Variants in CNTNAP2 observed in about 807,000 individuals in gnomAD.
CNTNAP2 encodes contactin associated protein 2.
CNTNAP2 carries 98 observed loss-of-function variants against 155.2 expected under a neutral mutation model. The ratio of observed to expected loss-of-function variants is 0.63; its 90% confidence interval spans 0.54 to 0.75. CNTNAP2 has a LOEUF of 0.75. Ranked by LOEUF, CNTNAP2 falls within the 30% of genes least tolerant of loss-of-function variation. The probability of loss-of-function intolerance (pLI) is 0.00; values close to 1 mark genes in which losing one functional copy is unlikely to be tolerated. For missense variants in CNTNAP2, 1,727 were observed against 1,688.1 expected (o/e 1.02, Z -0.40); for synonymous variants, 651 against 631.2 (o/e 1.03, Z -0.47).
chr7:146,296,836 A>G (rs569486619), intron 1 of CNTNAP2, among the ~76,000 whole-genome samples: 44 of 152,260 alleles, frequency 2.9e-4, no homozygotes, highest in African/African-American at 1.1e-3. Flanking sequence ...TGCATAAATT[A>G]TATATATGTA....
intron 1 of CNTNAP2, among the ~76,000 whole-genome samples, chr7:146,482,616 A>C (rs1796979244): frequency 6.6e-6 from 1 of 151,744 alleles, no homozygotes; most frequent in South Asian, 2.1e-4. Context: ...GGTGGCACAC[A>C]CCTGTAATCC....
At chr7:147,300,064 G>A (rs532291352) in intron 8 of CNTNAP2, 77 bp from the exon 9 acceptor site, 268 of 1,458,520 alleles carry the variant, frequency 1.8e-4, no homozygotes, top group African/African-American at 1.6e-3. Context: ...TTGTAAAATC[G>A]TGATTTGTTG....
In CNTNAP2 at chr7:147,065,016, G is replaced by A. The variant is rs142467821; in HGVS notation, c.550+20962G>A. Among the ~76,000 whole-genome samples the A allele has an allele frequency of 8.7e-3, 1,328 of 152,200 alleles. 20 individuals carry two copies. Among genetic ancestry groups the A allele is most frequent in the African/African-American group, 0.03 (1,232 of 41,538 alleles). On this transcript the variant is annotated intron_variant, in intron 4 of 23. Coordinates refer to ENST00000361727, the MANE Select transcript of CNTNAP2 (RefSeq NM_014141.6). ...AATTAAGTAAATCTGTTCTATACAT[G>A]TTTTTCTTCTAATTTCTGCTTCTGA...
chr7:147,349,121 A>G (rs1331391272), intron 9 of CNTNAP2, among the ~76,000 whole-genome samples: 1 of 151,948 alleles, frequency 6.6e-6, no homozygotes, highest in East Asian at 1.9e-4. Flanking sequence ...TCAAATAGCT[A>G]AAAAGAGGAT....
intron 12 of CNTNAP2, among the ~76,000 whole-genome samples, chr7:147,600,223 T>C (rs757200799): frequency 3.7e-4 from 57 of 152,322 alleles, no homozygotes; most frequent in Non-Finnish European, 7.6e-4. Flanking sequence ...CTCAGTTTCA[T>C]TCTAGGAGGC....
chr7:147,315,892 G>T (rs1443724555), intron 9 of CNTNAP2, among the ~76,000 whole-genome samples: 3 of 151,902 alleles, frequency 2.0e-5, no homozygotes, highest in Non-Finnish European at 4.4e-5. Flanking sequence ...TTCAATTCAT[G>T]TAACAGTACT....
intron 8 of CNTNAP2, among the ~76,000 whole-genome samples, chr7:147,164,789 TC>T (rs1008218177): frequency 2.6e-5 from 4 of 152,200 alleles, no homozygotes; most frequent in African/African-American, 9.6e-5. Context: ...GCTACAATTG[TC>T]CCCTCTGTGA....
At position 147,347,439 on chromosome 7, in the gene CNTNAP2, TGC is replaced by T. The variant is rs1289773189; in HGVS notation, c.1498+47150_1498+47151del. Among the ~76,000 whole-genome samples the T allele has an allele frequency of 8.0e-3, 212 of 26,384 alleles. 3 individuals carry two copies. The highest frequency in any genetic ancestry group is 0.026 in the African/African-American group (181 of 6,912). The allele number at this position is 26,384 out of a possible 152,430, so 17.3% of individuals were successfully genotyped here. A position where few individuals can be genotyped will look rare whatever the true frequency, so the allele number is the denominator to read the frequency against. On this transcript the variant is annotated intron_variant, in intron 9 of 23. Coordinates refer to ENST00000361727, the MANE Select transcript of CNTNAP2 (RefSeq NM_014141.6). ...AAAAGATTATATATATATATATATA[TGC>T]ATATATATATATATGCATATATATA...
At chr7:147,738,395 G>T (rs979119595) in intron 13 of CNTNAP2, among the ~76,000 whole-genome samples, 2 of 126,994 alleles carry the variant, frequency 1.6e-5, no homozygotes, top group African/African-American at 5.1e-5. Context: ...AATTGATGTG[G>T]CAAACATCAT....
chr7:146,460,875 G>C (rs537152029), intron 1 of CNTNAP2, among the ~76,000 whole-genome samples: 1 of 152,152 alleles, frequency 6.6e-6, no homozygotes. Flanking sequence ...AGTTACATAA[G>C]ATAAGTCAGT....
chr7:147,107,103 G>A (rs867294311), intron 4 of CNTNAP2, among the ~76,000 whole-genome samples: 3 of 152,172 alleles, frequency 2.0e-5, no homozygotes, highest in Middle Eastern at 3.4e-3. Flanking sequence ...AAAATGAAAA[G>A]CTTACAGAAA....
chr7:146,644,615 G>A (rs1035549482), intron 1 of CNTNAP2, among the ~76,000 whole-genome samples: 6 of 151,444 alleles, frequency 4.0e-5, no homozygotes, highest in African/African-American at 9.7e-5. Flanking sequence ...TCTAAAATTC[G>A]CAAATAGACG....
chr7:146,728,061 A>T (rs1347917178), intron 1 of CNTNAP2, among the ~76,000 whole-genome samples: 1 of 152,182 alleles, frequency 6.6e-6, no homozygotes, highest in East Asian at 1.9e-4. Flanking sequence ...CATCACGAGC[A>T]TGCTCAGGAA....
chr7:146,843,259 G>C (rs1281214439), intron 3 of CNTNAP2, among the ~76,000 whole-genome samples: 1 of 146,712 alleles, frequency 6.8e-6, no homozygotes, highest in Non-Finnish European at 1.5e-5. Flanking sequence ...TGATCCACCC[G>C]CCTCGGCCTC....
At chr7:147,977,529 T>G (rs1801450245) in intron 14 of CNTNAP2, among the ~76,000 whole-genome samples, 1 of 152,192 alleles carries the variant, frequency 6.6e-6, no homozygotes, top group African/African-American at 2.4e-5. Context: ...TCTGATTCCA[T>G]GACAACAGCA....
At chr7:146,709,633 A>T (rs891621510) in intron 1 of CNTNAP2, among the ~76,000 whole-genome samples, 3 of 152,130 alleles carry the variant, frequency 2.0e-5, no homozygotes, top group Admixed American at 6.5e-5. Flanking sequence ...CATAATCTAA[A>T]TTTGATTTAT....
intron 21 of CNTNAP2, among the ~76,000 whole-genome samples, chr7:148,323,941 T>C (rs1388389665): frequency 1.4e-5 from 2 of 141,934 alleles, no homozygotes; most frequent in African/African-American, 5.3e-5. Flanking sequence ...TGGAGTGCAG[T>C]GGTACAATCT....
chr7:146,592,888 C>T lies in CNTNAP2; in HGVS notation c.98-181383C>T, dbSNP rs941488279. Among the ~76,000 whole-genome samples the T allele has an allele frequency of 9.2e-5, 14 of 152,178 alleles. No homozygotes were observed. In the East Asian group the frequency reaches 2.5e-3, roughly 27 times the overall value. ...CAGAACCGCTACAGCTTGCAAACTG[C>T]ATGCAGTTTATGTAGCATTTTCACT... On this transcript the variant is annotated intron_variant, in intron 1 of 23. Transcript: ENST00000361727.
At chr7:147,404,218 G>C (rs545470590) in intron 10 of CNTNAP2, among the ~76,000 whole-genome samples, 1 of 152,240 alleles carries the variant, frequency 6.6e-6, no homozygotes, top group African/African-American at 2.4e-5. Context: ...TCCTGACATC[G>C]TTGTGACTGT....
Sources: gnomAD v4.1 joint callset for allele counts (sites outside exome capture counted in the v4.1 genomes callset) on GRCh38, gnomAD v4.1.1 for gene constraint, MANE v1.5 for transcripts, NCBI Gene and HGNC (gene_info 2026-07-23, HGNC 2026-07-21) for gene names.